Variants in LARP4B observed in about 807,000 individuals in gnomAD.
The protein encoded by LARP4B is la-related protein 4B.
A neutral mutation model predicts 89.8 loss-of-function variants in LARP4B; 12 were observed. The observed-to-expected ratio is 0.13, with a 90% CI of 0.09 to 0.22. LARP4B has a LOEUF of 0.22. Ranked by LOEUF, LARP4B falls within the 10% of genes least tolerant of loss-of-function variation. LARP4B has a pLI of 1.00. For missense variants in LARP4B, 757 were observed against 947.7 expected, an observed-to-expected ratio of 0.80 and a Z score of 2.64; for synonymous variants, 367 against 363.3, an observed-to-expected ratio of 1.01 and a Z score of -0.12.
At chr10:935,783 A>G (rs1347669765), upstream of LARP4B, among the ~76,000 whole-genome samples, 1 of 133,894 alleles carries the variant, frequency 7.5e-6, no homozygotes, top group Non-Finnish European at 1.5e-5. Context: ...CAGTGGCACA[A>G]TCTTGGCTCA....
intron 1 of LARP4B, among the ~76,000 whole-genome samples, chr10:910,802 G>T (rs887712759): frequency 6.6e-6 from 1 of 152,178 alleles, no homozygotes; most frequent in Non-Finnish European, 1.5e-5. Flanking sequence ...TTGAAAATCT[G>T]GGCTTAGCCT....
chr10:838,501 C>A (rs1833345177), intron 7 of LARP4B, among the ~76,000 whole-genome samples: 1 of 152,156 alleles, frequency 6.6e-6, no homozygotes, highest in Admixed American at 6.5e-5. Flanking sequence ...GGCGAATCTA[C>A]ATATGGAAAA....
chr10:831,101 T>G, intron 8 of LARP4B, 124 bp from the exon 9 acceptor site: 2 of 474,962 alleles, frequency 4.2e-6, no homozygotes, highest in Non-Finnish European at 7.5e-6. Flanking sequence ...CCATGATGCC[T>G]AGTAAATCTC....
intron 15 of LARP4B, among the ~76,000 whole-genome samples, chr10:816,933 G>C (rs1006529685): frequency 5.3e-5 from 8 of 152,176 alleles, no homozygotes; most frequent in Admixed American, 4.6e-4. Context: ...AGACCTGGGT[G>C]GGGTAGCAAG....
intron 15 of LARP4B, among the ~76,000 whole-genome samples, chr10:817,415 A>T (rs1832120418): frequency 6.6e-6 from 1 of 152,252 alleles, no homozygotes; most frequent in Admixed American, 6.5e-5. Flanking sequence ...TTTATAAAAT[A>T]AAGGCAGGTC....
intron 11 of LARP4B, among the ~76,000 whole-genome samples, chr10:826,147 G>A (rs994835399): frequency 4.6e-5 from 7 of 152,222 alleles, no homozygotes; most frequent in African/African-American, 7.2e-5. Flanking sequence ...GGTCAAGAGC[G>A]CATGGGCTCC....
chr10:812,771 G>T lies in LARP4B; in HGVS notation c.*155C>A. 1 of 533,864 alleles carries T rather than the reference G, an allele frequency of 1.9e-6. No individual in the cohort carries two copies. Among genetic ancestry groups the T allele is most frequent in the Admixed American group, 3.9e-5 (1 of 25,662 alleles). 33.1% of individuals were successfully genotyped at this position (533,864 alleles called of 1,614,324 possible). A position where few individuals can be genotyped will look rare whatever the true frequency, so the allele number is the denominator to read the frequency against. ...AAAAATCGATTTTTTTTCAAGAGGGGGAGAATCCAACTCACAGAAGAAAAC... is the reference window on the plus strand; with the variant it reads ...AAAAATCGATTTTTTTTCAAGAGGGTGAGAATCCAACTCACAGAAGAAAAC... On this transcript the variant is annotated 3_prime_UTR_variant, in exon 18 of 18. Coordinates refer to ENST00000316157, the MANE Select transcript of LARP4B (RefSeq NM_015155.3).
At chr10:941,104 T>C in the LARP4B span, among the ~76,000 whole-genome samples, 3 of 152,250 alleles carry the variant, frequency 2.0e-5, no homozygotes, top group African/African-American at 4.8e-5. Context: ...TCTGTAAAAA[T>C]GCTTGAGGCA....
downstream of LARP4B, chr10:808,201 G>A (rs951133205): frequency 2.6e-5 from 4 of 152,256 alleles, no homozygotes; most frequent in Non-Finnish European, 5.9e-5. Context: ...CTTCCATCCA[G>A]GGAGTTCTGG....
chr10:827,698 T>G lies in LARP4B; in HGVS notation c.1125+1687A>C, dbSNP rs117810021. Among the ~76,000 whole-genome samples, 65 of 151,902 alleles carry G rather than the reference T, an allele frequency of 4.3e-4. No homozygotes were observed. In the East Asian group the frequency reaches 0.013, roughly 29 times the overall value. ...CAAGGATCCCCGAGAGGGTCAACCATGATTAAAGAAACGGAAGAAGCAACT... is the reference window on the plus strand; with the variant it reads ...CAAGGATCCCCGAGAGGGTCAACCAGGATTAAAGAAACGGAAGAAGCAACT... On this transcript the variant is annotated intron_variant, in intron 11 of 17. Coordinates refer to ENST00000316157, the MANE Select transcript of LARP4B (RefSeq NM_015155.3).
At chr10:863,694 T>G (rs906067535) in intron 5 of LARP4B, 49 bp downstream of exon 5, 3 of 1,525,096 alleles carry the variant, frequency 2.0e-6, no homozygotes, top group Non-Finnish European at 2.6e-6. Flanking sequence ...AAAAAATAAA[T>G]AAAGCAGCCC....
intron 1 of LARP4B, among the ~76,000 whole-genome samples, chr10:912,582 C>T (rs1836697071): frequency 6.6e-6 from 1 of 151,862 alleles, no homozygotes; most frequent in African/African-American, 2.4e-5. Flanking sequence ...CAATATATGA[C>T]GTTCTATGGC....
chr10:975,062 C>G, the LARP4B span, among the ~76,000 whole-genome samples: 1 of 152,176 alleles, frequency 6.6e-6, no homozygotes, highest in Non-Finnish European at 1.5e-5. Context: ...GTCACCACCA[C>G]AGCAGATCAA....
At chr10:909,293 CAAAAAAA>C (rs56787174) in intron 1 of LARP4B, among the ~76,000 whole-genome samples, 2 of 80,868 alleles carry the variant, frequency 2.5e-5, no homozygotes, top group Non-Finnish European at 4.6e-5. Context: ...GACTCCGTCT[CAAAAAAA>C]AAAAAAAAAA....
At chr10:857,316 A>AG (rs1286943650) in intron 5 of LARP4B, among the ~76,000 whole-genome samples, 2 of 152,078 alleles carry the variant, frequency 1.3e-5, no homozygotes, top group Non-Finnish European at 2.9e-5. Context: ...AATCCCAAGG[A>AG]GGGGGAAAAA....
chr10:959,890 TCCACCTCCTCCTCAATC>T, the LARP4B span, among the ~76,000 whole-genome samples: 77 of 118,460 alleles, frequency 6.5e-4, 1 homozygote, highest in East Asian at 8.4e-3. Flanking sequence ...TCCTCGTCAA[TCCACCTCCTCCTCAATC>T]CCACCTCCTC....
rs1195195304 is a variant in LARP4B at position 825,093 on chromosome 10, C to T, written c.1456G>A (p.Glu486Lys). The change falls in exon 13 of 18, where the codon GAA becomes AAA. Residue 486 changes from glutamate to lysine, a missense_variant. By Grantham distance (56) the Glu-to-Lys change is moderately conservative. Around this residue, in one of 5 missense-constraint regions of LARP4B, gnomAD observed 387 missense variants for 423.6 expected, o/e 0.91. Transcript: ENST00000316157. The stretch of plus-strand genomic sequence containing the variant: ...CCCCTCCCTAAACCAGGAGAGGATT[C>T]GAGACTGCCTGGCTCCACACGCCCA... The part of the protein sequence containing the change: ...GPGRVEPGSL[E>K]SSPGLGRGRK... The T allele has an allele frequency of 5.6e-6, 9 of 1,614,018 alleles. No homozygotes were observed. The highest frequency in any genetic ancestry group is 7.6e-6 in the Non-Finnish European group (9 of 1,180,016).
At chr10:943,476 C>A in the LARP4B span, among the ~76,000 whole-genome samples, 6,362 of 152,200 alleles carry the variant, frequency 0.042, 173 homozygotes, top group Admixed American at 0.079. Context: ...GTCACCCAGG[C>A]GGGAGTGCAG....
chr10:965,731 A>C, the LARP4B span, among the ~76,000 whole-genome samples: 1 of 151,616 alleles, frequency 6.6e-6, no homozygotes, highest in Non-Finnish European at 1.5e-5. Context: ...GCTGTGAAGA[A>C]AACATGGCAA....
Sources: allele counts gnomAD v4.1 joint callset (sites outside exome capture counted in the v4.1 genomes callset), GRCh38; gene constraint gnomAD v4.1.1; regional missense constraint gnomAD v4.1.1; transcripts MANE v1.5; gene names NCBI Gene and HGNC (gene_info 2026-07-23, HGNC 2026-07-21).